The following MACROD2 variants were observed in gnomAD, a reference collection of about 807,000 sequenced individuals.
The protein encoded by MACROD2 is mono-ADP ribosylhydrolase 2.
A neutral mutation model predicts 70.4 loss-of-function variants in MACROD2; 36 were observed. The observed-to-expected ratio is 0.51, with a 90% CI of 0.39 to 0.68. The LOEUF (loss-of-function observed/expected upper bound fraction) is 0.68, where lower values mean the gene tolerates loss of function less well. MACROD2 is among the 30% of genes least tolerant of loss of function. MACROD2 has a pLI of 0.00. For synonymous variants in MACROD2, 172 were observed against 178.8 expected, an observed-to-expected ratio of 0.96 and a Z score of 0.30; for missense variants, 496 against 538.4, an observed-to-expected ratio of 0.92 and a Z score of 0.78.
intron 15 of MACROD2, among the ~76,000 whole-genome samples, chr20:15,989,323 A>G (rs573345015): frequency 7.4e-4 from 113 of 152,150 alleles, no homozygotes; most frequent in Non-Finnish European, 1.4e-3. Flanking sequence ...TGGCAGCACC[A>G]TCTCAGGCCA....
chr20:14,003,227 T>C (rs1569109651), intron 2 of MACROD2, among the ~76,000 whole-genome samples: 1 of 152,128 alleles, frequency 6.6e-6, no homozygotes, highest in Non-Finnish European at 1.5e-5. Flanking sequence ...GAATAAAGAC[T>C]AGCATGGAAT....
chr20:14,160,196 C>T (rs1237362358), intron 3 of MACROD2, among the ~76,000 whole-genome samples: 1 of 151,940 alleles, frequency 6.6e-6, no homozygotes, highest in African/African-American at 2.4e-5. Context: ...TTTGTTGAGT[C>T]TTTCTCCGGT....
At chr20:15,736,118 A>G (rs1274121914) in intron 8 of MACROD2, among the ~76,000 whole-genome samples, 1 of 152,196 alleles carries the variant, frequency 6.6e-6, no homozygotes, top group Admixed American at 6.5e-5. Context: ...TAATACCTAC[A>G]TGTACAGCTA....
chr20:14,129,717 G>A (rs1215801794), intron 3 of MACROD2, among the ~76,000 whole-genome samples: 1 of 152,142 alleles, frequency 6.6e-6, no homozygotes, highest in Non-Finnish European at 1.5e-5. Flanking sequence ...CCAATCTTTA[G>A]CAACCACTAC....
At chr20:15,991,845 T>G (rs1307817064) in intron 15 of MACROD2, among the ~76,000 whole-genome samples, 1 of 152,174 alleles carries the variant, frequency 6.6e-6, no homozygotes, top group African/African-American at 2.4e-5. Context: ...AAATTAAAAA[T>G]GCTGGTCTCT....
chr20:14,803,863 A>G (rs571391886), intron 5 of MACROD2, among the ~76,000 whole-genome samples: 1 of 152,234 alleles, frequency 6.6e-6, no homozygotes, highest in Admixed American at 6.5e-5. Context: ...CAAATAATGA[A>G]TGGACTAAAT....
intron 8 of MACROD2, among the ~76,000 whole-genome samples, chr20:15,684,791 A>G (rs2050205104): frequency 6.6e-6 from 1 of 152,178 alleles, no homozygotes; most frequent in African/African-American, 2.4e-5. Context: ...TTAAGATATG[A>G]CCATTTTTAA....
At chr20:16,043,421 A>T (rs531787061) in intron 16 of MACROD2, among the ~76,000 whole-genome samples, 1 of 152,028 alleles carries the variant, frequency 6.6e-6, no homozygotes, top group Non-Finnish European at 1.5e-5. Flanking sequence ...CTATCATTAT[A>T]TATGATCTGG....
chr20:15,840,505 C>T (rs918967763), intron 8 of MACROD2, among the ~76,000 whole-genome samples: 2 of 152,074 alleles, frequency 1.3e-5, no homozygotes, highest in African/African-American at 4.8e-5. Flanking sequence ...TTTTAGATCT[C>T]GACTTATATT....
At chr20:14,251,541 C>T (rs757307094) in intron 3 of MACROD2, among the ~76,000 whole-genome samples, 3 of 151,946 alleles carry the variant, frequency 2.0e-5, no homozygotes, top group African/African-American at 4.8e-5. Context: ...AATATTTCTA[C>T]ATATGTTAGA....
intron 2 of MACROD2, among the ~76,000 whole-genome samples, chr20:14,060,693 TTA>T (rs763532433): frequency 3.9e-5 from 6 of 152,180 alleles, no homozygotes; most frequent in Non-Finnish European, 8.8e-5. Context: ...ACTTATGCTA[TTA>T]TGTTATTTCT....
chr20:16,028,508 C>T (rs1261499273), intron 15 of MACROD2, among the ~76,000 whole-genome samples: 1 of 152,072 alleles, frequency 6.6e-6, no homozygotes, highest in East Asian at 1.9e-4. Context: ...TATTATCTGG[C>T]CAAACATAAA....
At chr20:15,772,168 C>G in intron 8 of MACROD2, among the ~76,000 whole-genome samples, 1 of 147,812 alleles carries the variant, frequency 6.8e-6, no homozygotes. Flanking sequence ...TCATCCTGCC[C>G]CATGCAGAGT....
At chr20:14,892,673 A>G (rs1190555064) in intron 5 of MACROD2, 3 of 152,272 alleles carry the variant, frequency 2.0e-5, no homozygotes, top group South Asian at 2.1e-4. Context: ...TCTCCATTGA[A>G]CAACAACTTG....
At chr20:15,904,880 C>CAAAAAAAAAA (rs10556594) in intron 10 of MACROD2, among the ~76,000 whole-genome samples, 1 of 129,050 alleles carries the variant, frequency 7.7e-6, no homozygotes, top group Admixed American at 7.9e-5. Flanking sequence ...GACTCTGTCT[C>CAAAAAAAAAA]AAAAAAAAAA....
chr20:14,697,447 A>G (rs2071140042), intron 5 of MACROD2, among the ~76,000 whole-genome samples: 1 of 152,208 alleles, frequency 6.6e-6, no homozygotes, highest in South Asian at 2.1e-4. Context: ...GAGTTAATAC[A>G]GTACTTTTAG....
chr20:14,620,077 G>T (rs983278516), intron 4 of MACROD2, among the ~76,000 whole-genome samples: 3 of 152,158 alleles, frequency 2.0e-5, no homozygotes, highest in African/African-American at 7.2e-5. Flanking sequence ...CCAGAAAGTT[G>T]AGTAGTCATT....
chr20:15,536,076 A>G (rs944071630), intron 8 of MACROD2, among the ~76,000 whole-genome samples: 1 of 152,200 alleles, frequency 6.6e-6, no homozygotes, highest in Non-Finnish European at 1.5e-5. Flanking sequence ...AGCAGGGTCC[A>G]TGCAGTTTCA....
At chr20:15,371,239 C>A (rs77881049) in intron 6 of MACROD2, among the ~76,000 whole-genome samples, 1 of 152,084 alleles carries the variant, frequency 6.6e-6, no homozygotes, top group African/African-American at 2.4e-5. Flanking sequence ...ATTGGCTGGG[C>A]TCTTCATCAC....
Sources: allele counts gnomAD v4.1 joint callset (sites outside exome capture counted in the v4.1 genomes callset), GRCh38; gene constraint gnomAD v4.1.1; transcripts MANE v1.5; gene names NCBI Gene and HGNC (gene_info 2026-07-23, HGNC 2026-07-21).